AOPEP: variants seen among roughly 807,000 people sequenced by gnomAD.
The protein encoded by AOPEP is aminopeptidase O (putative).
Under a neutral mutation model 98.1 loss-of-function variants are expected in AOPEP, and 77 were observed. That is an observed-to-expected ratio of 0.78 (90% CI 0.65 to 0.95). The LOEUF (loss-of-function observed/expected upper bound fraction) is 0.95, where lower values mean the gene tolerates loss of function less well. Among genes scored for constraint, AOPEP ranks in the 40% least tolerant of loss-of-function variants. The pLI, the probability that AOPEP is intolerant of heterozygous loss-of-function variation, is 0.00. For synonymous variants in AOPEP, 346 were observed against 365.3 expected (o/e 0.95, Z 0.60); for missense variants, 1,024 against 1,024.7 (o/e 1.00, Z 0.01).
chr9:95,111,138 A>C, the AOPEP span: 10 of 1,534,306 alleles, frequency 6.5e-6, no homozygotes, highest in Non-Finnish European at 8.7e-6. Flanking sequence ...CCGCCTCTGC[A>C]GGGCACGCCT....
chr9:95,060,050 A>T (rs2067194089), intron 13 of AOPEP, among the ~76,000 whole-genome samples: 1 of 152,186 alleles, frequency 6.6e-6, no homozygotes, highest in African/African-American at 2.4e-5. Flanking sequence ...AACTTGTAAC[A>T]CCACTTTTGA....
chr9:95,059,256 T>G (rs1218107192), intron 13 of AOPEP, among the ~76,000 whole-genome samples: 1 of 152,252 alleles, frequency 6.6e-6, no homozygotes, highest in East Asian at 1.9e-4. Context: ...GGCGCCTTGT[T>G]TCTCCTGAGA....
rs774086918 is a variant in AOPEP, at chr9:94,759,915, G to A, written c.132G>A (p.Val44=). Residue 44 remains valine, a synonymous_variant, in exon 2 of 17, where the codon GTG becomes GTA. Transcript: ENST00000375315. ...GTCAAGTCATTGAGGGGACCATAGT[G>A]CTTTTCCTCGAGGATGGAAACAGAT... ...FESQVIEGTI[V]LFLEDGNRFK... is the part of the protein sequence containing the mutation. 3 of 1,614,146 alleles carry A rather than the reference G, an allele frequency of 1.9e-6. No individual in the cohort carries two copies. The highest frequency in any genetic ancestry group is 3.3e-5 in the Admixed American group (2 of 60,016).
chr9:95,044,459 G>A (rs1375764599), intron 13 of AOPEP, among the ~76,000 whole-genome samples: 2 of 152,188 alleles, frequency 1.3e-5, no homozygotes, highest in African/African-American at 4.8e-5. Flanking sequence ...AGCATCATGC[G>A]CAGCAGCACT....
chr9:95,126,359 A>AT, the AOPEP span, among the ~76,000 whole-genome samples: 1 of 152,218 alleles, frequency 6.6e-6, no homozygotes, highest in South Asian at 2.1e-4. Flanking sequence ...ATTTACACTG[A>AT]TTTTTGAGTT....
At chr9:94,952,304 G>A (rs771649253) in intron 7 of AOPEP, among the ~76,000 whole-genome samples, 1 of 152,194 alleles carries the variant, frequency 6.6e-6, no homozygotes, top group Admixed American at 6.5e-5. Flanking sequence ...ATACATTAAA[G>A]TGCACAAGTC....
chr9:94,777,805 G>T (rs1196211770), intron 3 of AOPEP, among the ~76,000 whole-genome samples: 1 of 151,766 alleles, frequency 6.6e-6, no homozygotes, highest in Non-Finnish European at 1.5e-5. Flanking sequence ...TGTATTCTTA[G>T]TAGAGACAGG....
chr9:94,805,927 G>T (rs1849172819), intron 5 of AOPEP, among the ~76,000 whole-genome samples: 2 of 152,188 alleles, frequency 1.3e-5, no homozygotes, highest in Non-Finnish European at 2.9e-5. Context: ...GCTCCTTTCT[G>T]CTGGGGAAGG....
rs756043940 is a variant in AOPEP at position 94,924,021 on chromosome 9, C to T, written c.1400C>T (p.Thr467Ile). Residue 467 changes from threonine to isoleucine, a missense_variant, in exon 6 of 17, where the codon ACA (threonine) becomes ATA (isoleucine). Thr to Ile is a moderately conservative substitution (Grantham distance 89). Coordinates refer to ENST00000375315, the MANE Select transcript of AOPEP (RefSeq NM_001193329.3). ...HIMFLSQSIL[T>I]GGNHLCGTRL... ...ATGTTCCTCTCTCAGAGCATCTTGA[C>T]AGGAGGGAACCATCTCTGTGGGACC... 147 of 1,490,420 alleles carry T rather than the reference C, an allele frequency of 9.9e-5. No individual in the cohort carries two copies. Among genetic ancestry groups the T allele is most frequent in the Non-Finnish European group, 1.3e-4 (147 of 1,116,900 alleles). The allele number at this position is 1,490,420 out of a possible 1,614,324, so 92.3% of individuals were successfully genotyped here.
intron 5 of AOPEP, among the ~76,000 whole-genome samples, chr9:94,836,383 T>G (rs1430767327): frequency 6.6e-6 from 1 of 152,192 alleles, no homozygotes; most frequent in Non-Finnish European, 1.5e-5. Flanking sequence ...TGCTTGGTAT[T>G]ATTAGTTTTT....
chr9:95,107,039 A>AG, the AOPEP span: 5 of 1,611,990 alleles, frequency 3.1e-6, no homozygotes, highest in Non-Finnish European at 4.2e-6. Context: ...AATGAGTACT[A>AG]GGATGCTGGA....
At chr9:95,083,318 G>GCACCACACAGAGCACGCACAGCACA (rs2070072589) in intron 16 of AOPEP, among the ~76,000 whole-genome samples, 1 of 147,912 alleles carries the variant, frequency 6.8e-6, no homozygotes, top group East Asian at 2.0e-4. Context: ...ACCAGAGGAC[G>GCACCACACAGAGCACGCACAGCACA]CACCACACAG....
chr9:94,832,265 A>G (rs1856137510), intron 5 of AOPEP, among the ~76,000 whole-genome samples: 1 of 152,226 alleles, frequency 6.6e-6, no homozygotes, highest in Admixed American at 6.5e-5. Flanking sequence ...GATAAGAACA[A>G]ACAGTTCACA....
At chr9:94,763,022 TA>T in intron 2 of AOPEP, 2 of 355,644 alleles carry the variant, frequency 5.6e-6, no homozygotes, top group Non-Finnish European at 5.9e-6. Flanking sequence ...TTATTAAAAC[TA>T]AAATAGTTTC....
intron 3 of AOPEP, among the ~76,000 whole-genome samples, chr9:94,782,703 T>C (rs1843558806): frequency 6.6e-6 from 1 of 152,262 alleles, no homozygotes. Context: ...TCCTTGTTTC[T>C]AGAACTAGGG....
At chr9:94,842,913 C>T (rs1338507679) in intron 5 of AOPEP, among the ~76,000 whole-genome samples, 3 of 152,132 alleles carry the variant, frequency 2.0e-5, no homozygotes, top group Non-Finnish European at 2.9e-5. Flanking sequence ...ATTTCTGTGA[C>T]TGTTTTCAAG....
intron 1 of AOPEP, among the ~76,000 whole-genome samples, chr9:94,746,624 G>C (rs1323657046): frequency 6.6e-6 from 1 of 152,150 alleles, no homozygotes; most frequent in Non-Finnish European, 1.5e-5. Flanking sequence ...TTAAAGTAGA[G>C]TGAAATCACT....
At chr9:94,755,096 T>G (rs1435740186) in intron 1 of AOPEP, among the ~76,000 whole-genome samples, 1 of 152,204 alleles carries the variant, frequency 6.6e-6, no homozygotes, top group Non-Finnish European at 1.5e-5. Context: ...TTTCTTTTTT[T>G]TTTAGCACAC....
intron 2 of AOPEP, among the ~76,000 whole-genome samples, chr9:94,765,478 T>TAATAATAATAATAATAAG (rs1211958270): frequency 6.8e-6 from 1 of 147,382 alleles, no homozygotes; most frequent in Non-Finnish European, 1.5e-5. Flanking sequence ...ATAATAATAA[T>TAATAATAATAATAATAAG]AAGTCACAGC....
Sources: allele counts gnomAD v4.1 joint callset (sites outside exome capture counted in the v4.1 genomes callset), GRCh38; gene constraint gnomAD v4.1.1; transcripts MANE v1.5; gene names NCBI Gene and HGNC (gene_info 2026-07-23, HGNC 2026-07-21).